The following VPS13D variants were observed in gnomAD, a reference collection of about 807,000 sequenced individuals.
The protein encoded by VPS13D is intermembrane lipid transfer protein VPS13D.
In VPS13D, 187 loss-of-function variants were observed where a neutral mutation model predicts 461.9. That is an observed-to-expected ratio of 0.40 (90% CI 0.36 to 0.46). The LOEUF (loss-of-function observed/expected upper bound fraction) is 0.46. VPS13D is among the 20% of genes least tolerant of loss of function. The pLI, the probability that VPS13D is intolerant of heterozygous loss-of-function variation, is 0.60. For missense variants in VPS13D, 4,711 were observed against 5,364.9 expected (o/e 0.88, Z 3.81); for synonymous variants, 1,951 against 1,986.3 (o/e 0.98, Z 0.47).
chr1:12,379,447 A>ACTCGGAG (rs1644243194), intron 56 of VPS13D, 41 bp from the exon 57 acceptor site: 1 of 1,579,106 alleles, frequency 6.3e-7, no homozygotes, highest in East Asian at 2.3e-5. Flanking sequence ...GAAACAGTTG[A>ACTCGGAG]CTCGGAGGTT....
At chr1:12,464,889 G>C (rs532198812) in intron 67 of VPS13D, 1 of 152,238 alleles carries the variant, frequency 6.6e-6, no homozygotes, top group Non-Finnish European at 1.5e-5. Flanking sequence ...TCTGGCCTAC[G>C]TGTATTGGGC....
rs371826225 is a variant in VPS13D, at chr1:12,242,874, T to C, written c.175+284T>C. Among the ~76,000 whole-genome samples, 20 of 152,340 alleles carry C rather than the reference T, an allele frequency of 1.3e-4. 1 individual carries two copies. The South Asian group carries it at 2.5e-3, about 19-fold the overall frequency. ...TAATAAGCACTCCAGGTGATTCTTA[T>C]GTTTACTCAAGTGTGAGAACCTCTG... On this transcript the variant is annotated intron_variant, in intron 3 of 69. Coordinates refer to ENST00000620676, the MANE Select transcript of VPS13D (RefSeq NM_015378.4).
chr1:12,314,266 T>G lies in VPS13D; in HGVS notation c.7087T>G (p.Phe2363Val). 6.2e-7 allele frequency: 1 copy of G among 1,614,186 alleles called. No homozygotes were observed. Among genetic ancestry groups the G allele is most frequent in the South Asian group, 1.1e-5 (1 of 91,090 alleles). The change falls in exon 30 of 70, where the codon TTT (phenylalanine) becomes GTT (valine). Residue 2363 changes from phenylalanine to valine, a missense_variant. This residue lies in a region of VPS13D where 4,411 missense variants were observed against 4,937.8 expected (regional missense o/e 0.89). Transcript: ENST00000620676. ...CATGACGAATGTGTTCAGCTGTATC[T>G]TTCAGCCCGCTAAGAACAGCAGCAC... is the stretch of plus-strand genomic sequence containing the variant. The part of the protein sequence containing the change: ...PGMTNVFSCI[F>V]QPAKNSSTTQ...
chr1:12,249,758 C>T (rs780752771), intron 6 of VPS13D, among the ~76,000 whole-genome samples: 2 of 152,126 alleles, frequency 1.3e-5, no homozygotes, highest in Non-Finnish European at 2.9e-5. Flanking sequence ...TACTGCTTGT[C>T]TCAAAACACA....
intron 20 of VPS13D, among the ~76,000 whole-genome samples, chr1:12,281,565 G>A (rs1641783946): frequency 6.6e-6 from 1 of 152,110 alleles, no homozygotes; most frequent in Non-Finnish European, 1.5e-5. Context: ...AGGGGAGTTG[G>A]GAGGTAGACT....
intron 67 of VPS13D, among the ~76,000 whole-genome samples, chr1:12,482,882 C>T (rs1024761536): frequency 3.3e-5 from 5 of 151,332 alleles, no homozygotes; most frequent in African/African-American, 9.7e-5. Flanking sequence ...GGTGCTAGAA[C>T]GTCTTTCCAT....
At chr1:12,437,071 C>T (rs951510847) in intron 65 of VPS13D, among the ~76,000 whole-genome samples, 2 of 152,024 alleles carry the variant, frequency 1.3e-5, no homozygotes, top group Non-Finnish European at 2.9e-5. Context: ...TGTGTGGCGG[C>T]GGGAGGGGGG....
At chr1:12,374,601 G>A (rs1644171586) in intron 55 of VPS13D, among the ~76,000 whole-genome samples, 1 of 152,070 alleles carries the variant, frequency 6.6e-6, no homozygotes, top group African/African-American at 2.4e-5. Context: ...GGCGTGGTAC[G>A]TTGAGACTAC....
chr1:12,355,872 A>G, intron 47 of VPS13D, 27 bp from the exon 48 acceptor site: 1 of 1,493,986 alleles, frequency 6.7e-7, no homozygotes, highest in African/African-American at 1.4e-5. Flanking sequence ...GAGAACTCTG[A>G]AAGTTAATAG....
chr1:12,433,949 A>AGTGT (rs563130284), intron 65 of VPS13D, among the ~76,000 whole-genome samples: 96 of 144,986 alleles, frequency 6.6e-4, no homozygotes, highest in African/African-American at 1.9e-3. Context: ...AGAGAGAGAG[A>AGTGT]GTGTGTGTGT....
chr1:12,322,014 CCTATGCAGGCA>C, intron 33 of VPS13D, 50 bp downstream of exon 33: 1 of 1,590,246 alleles, frequency 6.3e-7, no homozygotes, highest in African/African-American at 1.4e-5. Flanking sequence ...CAAACACTGT[CCTATGCAGGCA>C]CTCTTATTTG....
intron 20 of VPS13D, among the ~76,000 whole-genome samples, chr1:12,280,640 C>T (rs1450678877): frequency 6.6e-6 from 1 of 152,026 alleles, no homozygotes; most frequent in Non-Finnish European, 1.5e-5. Flanking sequence ...CAGGCATTCG[C>T]CACCACACTG....
rs367790441 is a variant in VPS13D at position 12,276,860 on chromosome 1, G to A, written c.3272G>A (p.Cys1091Tyr). 1.2e-3 allele frequency: 1,975 copies of A among 1,614,124 alleles called. 46 individuals are homozygous for A. In the South Asian group the frequency reaches 0.021, roughly 17 times the overall value. Reference protein sequence around the residue: ...KLEYQFVSSECPSMNLDSTLQ... With the variant: ...KLEYQFVSSEYPSMNLDSTLQ... ...GAATATCAGTTTGTGAGTTCAGAGT[G>A]CCCATCGATGAATTTAGACAGTACT... Residue 1091 changes from cysteine to tyrosine, a missense_variant, in exon 19 of 70, where the codon TGC becomes TAC. Transcript: ENST00000620676. The surrounding 1 kb of genome is among the most constrained non-coding windows in gnomAD (Gnocchi z 4.5).
At chr1:12,476,428 G>C (rs570007082) in intron 67 of VPS13D, among the ~76,000 whole-genome samples, 1 of 152,222 alleles carries the variant, frequency 6.6e-6, no homozygotes, top group Non-Finnish European at 1.5e-5. Flanking sequence ...AGGCCTTCAG[G>C]AGTCCTCGTG....
intron 63 of VPS13D, among the ~76,000 whole-genome samples, chr1:12,406,475 C>T (rs1213489477): frequency 6.6e-6 from 1 of 152,160 alleles, no homozygotes; most frequent in Non-Finnish European, 1.5e-5. Flanking sequence ...CTTCTGACTC[C>T]AGGCCAGAAG....
At chr1:12,304,476 G>C (rs1162069206) in intron 25 of VPS13D, 30 bp from the exon 26 acceptor site, 4 of 1,583,690 alleles carry the variant, frequency 2.5e-6, no homozygotes, top group Non-Finnish European at 8.6e-7. Flanking sequence ...CCCATTTCCT[G>C]CATTCTAGTT....
At chr1:12,469,688 C>CT (rs1645538411) in intron 67 of VPS13D, among the ~76,000 whole-genome samples, 1 of 152,240 alleles carries the variant, frequency 6.6e-6, no homozygotes, top group African/African-American at 2.4e-5. Flanking sequence ...GTCAGCCCTC[C>CT]TGGTTTGCTC....
intron 67 of VPS13D, among the ~76,000 whole-genome samples, chr1:12,487,032 G>A (rs571619341): frequency 2.8e-4 from 43 of 152,114 alleles, no homozygotes; most frequent in African/African-American, 9.9e-4. Flanking sequence ...AGGAGAGCAT[G>A]TCACTGGCTC....
At chr1:12,309,761 CAA>C (rs1398161248) in intron 27 of VPS13D, among the ~76,000 whole-genome samples, 16 of 73,010 alleles carry the variant, frequency 2.2e-4, no homozygotes, top group Non-Finnish European at 2.3e-4. Context: ...GACTCAGTCT[CAA>C]AAAAAAAAAA....
Sources: gnomAD v4.1 joint callset for allele counts (sites outside exome capture counted in the v4.1 genomes callset) on GRCh38, gnomAD v4.1.1 for gene constraint, gnomAD v4.1.1 regional missense constraint, Gnocchi (gnomAD v3.1) non-coding constraint, MANE v1.5 for transcripts, NCBI Gene and HGNC (gene_info 2026-07-23, HGNC 2026-07-21) for gene names.